Variants in GPR39 observed in about 807,000 individuals in gnomAD.
GPR39 encodes the protein zinc sensing receptor.
Under a neutral mutation model 18.4 loss-of-function variants are expected in GPR39, and 23 were observed. The ratio of observed to expected loss-of-function variants is 1.25; its 90% CI spans 0.90 to 1.77. The LOEUF (loss-of-function observed/expected upper bound fraction) is 1.77. Among genes scored for constraint, GPR39 ranks in the 40% most tolerant of loss-of-function variants. The pLI is 0.00. For missense variants in GPR39, 647 were observed against 602.4 expected, an observed-to-expected ratio of 1.07 and a Z score of -0.78; for synonymous variants, 280 against 257.9, an observed-to-expected ratio of 1.09 and a Z score of -0.82.
chr2:132,442,645 G>A (rs115626583), intron 1 of GPR39, among the ~76,000 whole-genome samples: 1,686 of 152,322 alleles, frequency 0.011, 32 homozygotes, highest in African/African-American at 0.039. Context: ...GCTTAGGTAA[G>A]AAGAGAAAAC....
chr2:132,530,033 C>T (rs1679584579), intron 1 of GPR39, among the ~76,000 whole-genome samples: 1 of 152,022 alleles, frequency 6.6e-6, no homozygotes, highest in Non-Finnish European at 1.5e-5. Flanking sequence ...GAGAAGAAGC[C>T]TTCAGAAGAT....
chr2:132,530,123 T>C (rs887004255), intron 1 of GPR39, among the ~76,000 whole-genome samples: 1 of 151,762 alleles, frequency 6.6e-6, no homozygotes, highest in Non-Finnish European at 1.5e-5. Flanking sequence ...ATTAGACGAA[T>C]GGCTAACTAG....
At chr2:132,458,621 C>T (rs182568454) in intron 1 of GPR39, among the ~76,000 whole-genome samples, 1 of 151,888 alleles carries the variant, frequency 6.6e-6, no homozygotes. Flanking sequence ...TATTTCTTTG[C>T]TTATTTTTCC....
At chr2:132,517,810 A>G (rs1415348346) in intron 1 of GPR39, among the ~76,000 whole-genome samples, 1 of 152,228 alleles carries the variant, frequency 6.6e-6, no homozygotes, top group Non-Finnish European at 1.5e-5. Flanking sequence ...GGAAACAAGC[A>G]TCTGTTTCAC....
chr2:132,628,839 A>AT lies in GPR39; in HGVS notation c.857-16262_857-16261insT, dbSNP rs1167656380. On this transcript the variant is annotated intron_variant, in intron 1 of 1. Coordinates refer to ENST00000329321, the MANE Select transcript of GPR39 (RefSeq NM_001508.3). Reference sequence around the variant, plus strand: ...AGGATAAGACCTTGGCACACACTTTAATGAGATTCAGTTTTTTCCATATTT... The same window carrying AT: ...AGGATAAGACCTTGGCACACACTTTATATGAGATTCAGTTTTTTCCATATTT... 1.0e-3 allele frequency among the ~76,000 whole-genome samples: 152 copies of AT among 152,268 alleles called. 2 individuals are homozygous for AT. The highest frequency in any genetic ancestry group is 3.5e-3 in the African/African-American group (144 of 41,554).
At chr2:132,424,070 C>T (rs1680068839) in intron 1 of GPR39, among the ~76,000 whole-genome samples, 1 of 152,128 alleles carries the variant, frequency 6.6e-6, no homozygotes, top group Admixed American at 6.6e-5. Context: ...ACATGCAAAA[C>T]ATTTAAGATT....
chr2:132,589,549 C>T (rs192376693), intron 1 of GPR39, among the ~76,000 whole-genome samples: 55 of 152,290 alleles, frequency 3.6e-4, no homozygotes, highest in Non-Finnish European at 6.2e-4. Flanking sequence ...TAGGCAGAGC[C>T]GAGATCTCCT....
At chr2:132,621,557 G>A (rs112567395) in intron 1 of GPR39, among the ~76,000 whole-genome samples, 16 of 152,280 alleles carry the variant, frequency 1.1e-4, no homozygotes, top group Non-Finnish European at 1.5e-4. Context: ...CTGAGATGTC[G>A]CTTATCACCT....
intron 1 of GPR39, among the ~76,000 whole-genome samples, chr2:132,573,493 G>A (rs1380621217): frequency 6.6e-6 from 1 of 152,120 alleles, no homozygotes; most frequent in Non-Finnish European, 1.5e-5. Flanking sequence ...CAGCAAAGTT[G>A]GCAGACAGGG....
At chr2:132,554,953 ATT>A (rs10717046) in intron 1 of GPR39, among the ~76,000 whole-genome samples, 40 of 146,898 alleles carry the variant, frequency 2.7e-4, no homozygotes, top group East Asian at 8.0e-4. Context: ...ACTTTCAACC[ATT>A]TTTTTTTTTT....
intron 1 of GPR39, among the ~76,000 whole-genome samples, chr2:132,637,315 A>G (rs1296802198): frequency 1.3e-5 from 2 of 152,248 alleles, no homozygotes; most frequent in African/African-American, 4.8e-5. Context: ...AAATAGCTGT[A>G]ATGCTTAGCA....
intron 1 of GPR39, among the ~76,000 whole-genome samples, chr2:132,571,768 G>A (rs1347162847): frequency 6.6e-6 from 1 of 152,170 alleles, no homozygotes; most frequent in Non-Finnish European, 1.5e-5. Flanking sequence ...CAGTCTCTTT[G>A]AGGAGATTAA....
chr2:132,625,250 C>T (rs959452161), intron 1 of GPR39, among the ~76,000 whole-genome samples: 8 of 152,140 alleles, frequency 5.3e-5, no homozygotes, highest in African/African-American at 1.9e-4. Context: ...GAGGGACATC[C>T]TGGCATTTGT....
At chr2:132,485,644 C>T (rs191425109) in intron 1 of GPR39, among the ~76,000 whole-genome samples, 1 of 152,312 alleles carries the variant, frequency 6.6e-6, no homozygotes, top group East Asian at 1.9e-4. Flanking sequence ...CTTTGCTTAT[C>T]CATAAGAAGT....
At position 132,645,835 on chromosome 2, in the gene GPR39, C is replaced by T; in HGVS notation, c.*229C>T. On this transcript the variant is annotated 3_prime_UTR_variant, in exon 2 of 2. Transcript: ENST00000329321. Reference sequence around the variant, plus strand: ...GAACTTTCACTCCACCTCCTTCCTTCAAGTACATACTGAAAATTCAGTCAG... The same window carrying T: ...GAACTTTCACTCCACCTCCTTCCTTTAAGTACATACTGAAAATTCAGTCAG... 1 of 671,466 alleles carries T rather than the reference C, an allele frequency of 1.5e-6. No homozygotes were observed. The highest frequency in any genetic ancestry group is 2.5e-6 in the Non-Finnish European group (1 of 407,850). 41.6% of individuals were successfully genotyped at this position (671,466 alleles called of 1,614,324 possible).
chr2:132,595,745 G>A lies in GPR39; in HGVS notation c.857-49356G>A, dbSNP rs781197213. Among the ~76,000 whole-genome samples the A allele has an allele frequency of 3.3e-5, 5 of 152,226 alleles. No individual in the cohort carries two copies. In the South Asian group the frequency reaches 6.2e-4, roughly 19 times the overall value. On this transcript the variant is annotated intron_variant, in intron 1 of 1. Transcript: ENST00000329321. ...CCATTTTTTGTTGTGATCAAAGTGTGTTTCTGTTCCTGCCAAGCCCCTGTG... is the reference window on the plus strand; with the variant it reads ...CCATTTTTTGTTGTGATCAAAGTGTATTTCTGTTCCTGCCAAGCCCCTGTG...
chr2:132,445,978 G>T (rs940127458), intron 1 of GPR39, among the ~76,000 whole-genome samples: 1 of 152,212 alleles, frequency 6.6e-6, no homozygotes, highest in Non-Finnish European at 1.5e-5. Flanking sequence ...CCTCGCAGGA[G>T]AAATGGCAAG....
At chr2:132,594,687 G>A (rs137968532) in intron 1 of GPR39, among the ~76,000 whole-genome samples, 1 of 151,778 alleles carries the variant, frequency 6.6e-6, no homozygotes, top group East Asian at 1.9e-4. Flanking sequence ...CCTTTACTCT[G>A]GAGAGATGGG....
chr2:132,461,202 C>G (rs1485177368), intron 1 of GPR39, among the ~76,000 whole-genome samples: 1 of 152,154 alleles, frequency 6.6e-6, no homozygotes, highest in African/African-American at 2.4e-5. Context: ...AAATGACATC[C>G]TTGTGTTACA....
Sources: allele counts gnomAD v4.1 joint callset (sites outside exome capture counted in the v4.1 genomes callset), GRCh38; gene constraint gnomAD v4.1.1; transcripts MANE v1.5; gene names NCBI Gene and HGNC (gene_info 2026-07-23, HGNC 2026-07-21).